The following GRAMD4 variants were observed in gnomAD, a reference collection of about 807,000 sequenced individuals.
GRAMD4 encodes GRAM domain containing 4.
In GRAMD4, 25 loss-of-function variants were observed where a neutral mutation model predicts 83.9. The ratio of observed to expected loss-of-function variants is 0.30; its 90% confidence interval spans 0.22 to 0.42. The LOEUF is 0.42. GRAMD4 is among the 10% of genes least tolerant of loss of function. The pLI is 1.00. For synonymous variants in GRAMD4, 336 were observed against 320.9 expected, an observed-to-expected ratio of 1.05 and a Z score of -0.50; for missense variants, 593 against 788.7, an observed-to-expected ratio of 0.75 and a Z score of 2.97.
At chr22:46,593,465 G>GC (rs902613388) in intron 1 of GRAMD4, among the ~76,000 whole-genome samples, 13 of 152,248 alleles carry the variant, frequency 8.5e-5, no homozygotes, top group Middle Eastern at 3.4e-3. Flanking sequence ...AGGTGGGACC[G>GC]CCCCCCAACC....
upstream of GRAMD4, among the ~76,000 whole-genome samples, chr22:46,616,365 C>G (rs1181215777): frequency 1.8e-5 from 1 of 56,680 alleles, no homozygotes; most frequent in African/African-American, 7.6e-5. Context: ...CCTGTGTGTA[C>G]GTTCCCCTGT....
chr22:46,633,799 G>T (rs1009890914), intron 2 of GRAMD4, among the ~76,000 whole-genome samples: 1 of 152,164 alleles, frequency 6.6e-6, no homozygotes, highest in Non-Finnish European at 1.5e-5. Flanking sequence ...CAGGAGGTGG[G>T]CTGGGTGGGC....
chr22:46,596,058 G>A (rs554753409), intron 1 of GRAMD4, among the ~76,000 whole-genome samples: 5 of 152,228 alleles, frequency 3.3e-5, no homozygotes, highest in African/African-American at 1.2e-4. Context: ...TCACTTTCTC[G>A]TAATTCACTC....
chr22:46,641,147 A>T (rs1037372776), intron 3 of GRAMD4, among the ~76,000 whole-genome samples: 1 of 152,056 alleles, frequency 6.6e-6, no homozygotes, highest in Non-Finnish European at 1.5e-5. Flanking sequence ...ATCTCGGCTC[A>T]CTGTAACCTT....
intron 1 of GRAMD4, among the ~76,000 whole-genome samples, chr22:46,598,364 G>GGAGT: frequency 6.6e-6 from 1 of 152,194 alleles, no homozygotes; most frequent in Middle Eastern, 3.4e-3. Flanking sequence ...GTGGAGTGAG[G>GGAGT]GAGTGTCTGT....
At chr22:46,603,799 A>AG (rs549259734) in intron 1 of GRAMD4, among the ~76,000 whole-genome samples, 42 of 149,714 alleles carry the variant, frequency 2.8e-4, no homozygotes, top group East Asian at 2.0e-3. Flanking sequence ...TACAGGCGTG[A>AG]CCACCGCGCC....
chr22:46,595,740 C>T (rs1883333349), intron 1 of GRAMD4, among the ~76,000 whole-genome samples: 1 of 152,242 alleles, frequency 6.6e-6, no homozygotes, highest in South Asian at 2.1e-4. Context: ...ATGGGGACAC[C>T]CAGAGAACCA....
chr22:46,611,182 G>C (rs138516), intron 1 of GRAMD4, among the ~76,000 whole-genome samples: 120,064 of 150,768 alleles, frequency 0.8, 48,522 homozygotes, highest in East Asian at 1. Context: ...CGCCATTGCA[G>C]TCCAGCCTGG....
intron 1 of GRAMD4, chr22:46,587,869 C>T (rs953742594): frequency 9.2e-6 from 9 of 978,748 alleles, no homozygotes; most frequent in Non-Finnish European, 9.7e-6. Context: ...GAAGCCCGGG[C>T]GTCGGGGTGG....
At chr22:46,643,132 CATG>C (rs2082004046) in intron 3 of GRAMD4, among the ~76,000 whole-genome samples, 2 of 134,620 alleles carry the variant, frequency 1.5e-5, no homozygotes, top group Non-Finnish European at 3.2e-5. Flanking sequence ...TGCATCCATC[CATG>C]CATCCTTCCA....
Position 46,626,826 on chromosome 22 carries a change from G to A in GRAMD4, c.27G>A (p.Arg9=). MLRRLDKI[R]FRGHKRDDFL... is the part of the protein sequence containing the mutation. The stretch of plus-strand genomic sequence containing the variant: ...TGCTAAGGAGGTTGGACAAAATCAG[G>A]TTCAGAGGTCACAAGAGAGATGACT... The change falls in exon 2 of 19, where the codon AGG becomes AGA. Residue 9 remains arginine (R), a synonymous_variant. Coordinates refer to ENST00000406902, the MANE Select transcript of GRAMD4 (RefSeq NM_015124.5). 1 of 1,613,936 alleles carries A rather than the reference G, an allele frequency of 6.2e-7. No individual in the cohort carries two copies. Among genetic ancestry groups the A allele is most frequent in the African/African-American group, 1.3e-5 (1 of 75,042 alleles).
At chr22:46,663,408 G>C (rs886870160) in intron 6 of GRAMD4, among the ~76,000 whole-genome samples, 1 of 152,242 alleles carries the variant, frequency 6.6e-6, no homozygotes, top group Non-Finnish European at 1.5e-5. Flanking sequence ...GCTGTGGCTT[G>C]TGACAGTTGT....
At chr22:46,644,580 C>T (rs2082040252) in intron 3 of GRAMD4, among the ~76,000 whole-genome samples, 1 of 152,176 alleles carries the variant, frequency 6.6e-6, no homozygotes, top group South Asian at 2.1e-4. Context: ...TTACACCTCT[C>T]CCTGTCCCGG....
intron 1 of GRAMD4, among the ~76,000 whole-genome samples, chr22:46,594,330 TGTGGAAGGACAG>T (rs2081239693): frequency 7.0e-6 from 1 of 142,504 alleles, no homozygotes; most frequent in African/African-American, 2.6e-5. Context: ...CCCCTGTTTT[TGTGGAAGGACAG>T]GTGGAAGTGG....
chr22:46,577,439 C>G (rs946523986), intron 1 of GRAMD4: 6 of 284,128 alleles, frequency 2.1e-5, no homozygotes, highest in Non-Finnish European at 3.1e-5. Flanking sequence ...GGCGACCCTC[C>G]GAGCAGGGCC....
At position 46,622,269 on chromosome 22, in the gene GRAMD4, C is replaced by T. The variant is rs9616080; in HGVS notation, c.-50+1704C>T. On this transcript the variant is annotated intron_variant, in intron 1 of 18. Coordinates refer to ENST00000406902, the MANE Select transcript of GRAMD4 (RefSeq NM_015124.5). The surrounding 1 kb of genome is among the most constrained non-coding windows in gnomAD (Gnocchi z 4.0). Reference sequence around the variant, plus strand: ...GCCAAGAGTTCTGTGCGTGTCCAAGCGTGTCCCCTGCTTTCCTTGGGTGGA... The same window carrying T: ...GCCAAGAGTTCTGTGCGTGTCCAAGTGTGTCCCCTGCTTTCCTTGGGTGGA... 0.2 allele frequency among the ~76,000 whole-genome samples: 30,732 copies of T among 152,138 alleles called. 3,755 individuals carry two copies. Among genetic ancestry groups the T allele is most frequent in the East Asian group, 0.34 (1,765 of 5,142 alleles).
intron 1 of GRAMD4, among the ~76,000 whole-genome samples, chr22:46,614,878 C>CATGTAGGTTCCCCTGT (rs71192429): frequency 1.1e-4 from 15 of 141,372 alleles, no homozygotes; most frequent in South Asian, 7.0e-4. Flanking sequence ...TTCCCCTGTG[C>CATGTAGGTTCCCCTGT]GTGTAGGTTC....
At chr22:46,668,493 T>C (rs1013161017) in intron 11 of GRAMD4, among the ~76,000 whole-genome samples, 196 bp from the exon 12 acceptor site, 39 of 151,078 alleles carry the variant, frequency 2.6e-4, no homozygotes, top group African/African-American at 9.2e-4. Flanking sequence ...CAGGCCCGGG[T>C]CTGCTGTTGC....
intron 1 of GRAMD4, among the ~76,000 whole-genome samples, chr22:46,613,508 G>A (rs1048372443): frequency 5.3e-5 from 8 of 152,272 alleles, no homozygotes; most frequent in Non-Finnish European, 8.8e-5. Context: ...TGCTGTCGCT[G>A]TGGTATGTGG....
Sources: allele counts gnomAD v4.1 joint callset (sites outside exome capture counted in the v4.1 genomes callset), GRCh38; gene constraint gnomAD v4.1.1; non-coding constraint Gnocchi (gnomAD v3.1); transcripts MANE v1.5; gene names NCBI Gene and HGNC (gene_info 2026-07-23, HGNC 2026-07-21).